Variants in PAN2 observed in about 807,000 individuals in gnomAD.
PAN2 encodes PAN2-PAN3 deadenylation complex catalytic subunit PAN2.
PAN2 carries 68 observed loss-of-function variants against 133.3 expected under a neutral mutation model. The ratio of observed to expected loss-of-function variants is 0.51; its 90% CI spans 0.42 to 0.62. The LOEUF is 0.62. Ranked by LOEUF, PAN2 falls within the 20% of genes least tolerant of loss-of-function variation. PAN2 has a pLI of 0.00. For synonymous variants in PAN2, 462 were observed against 544.6 expected, an observed-to-expected ratio of 0.85 and a Z score of 2.11; for missense variants, 1,042 against 1,500.5, an observed-to-expected ratio of 0.69 and a Z score of 5.05.
chr12:56,327,703 T>TG lies in PAN2; in HGVS notation c.652-73dup, dbSNP rs548425374. ...AATACCTGCCACCTACCTAACCCAG[T>TG]GGGGTCCCTACCAAAGGAACTAGGG... On this transcript the variant is annotated intron_variant, in intron 5 of 25. Coordinates refer to ENST00000440411, the MANE Select transcript of PAN2 (RefSeq NM_014871.6). The TG allele has an allele frequency of 5.8e-5, 89 of 1,529,740 alleles. 2 individuals are homozygous for TG. In the South Asian group the frequency reaches 9.8e-4, roughly 17 times the overall value. The allele number at this position is 1,529,740 out of a possible 1,614,324, so 94.8% of individuals were successfully genotyped here.
chr12:56,326,338 T>C lies in PAN2; in HGVS notation c.1334A>G (p.Asn445Ser), dbSNP rs1472460169. The stretch of plus-strand genomic sequence containing the variant: ...CTGATTGCGCAGCCTGGTGCGGGGA[T>C]TGGGCGCATAGCCAATGAAGCCCAC... The part of the protein sequence containing the change: ...KKVGFIGYAP[N>S]PRTRLRNQIP... Residue 445 changes from asparagine to serine, a missense_variant, in exon 8 of 26, where the codon AAT (asparagine) becomes AGT (serine). Coordinates refer to ENST00000440411, the MANE Select transcript of PAN2 (RefSeq NM_014871.6). The C allele has an allele frequency of 1.2e-6, 2 of 1,604,734 alleles. No individual in the cohort carries two copies. Among genetic ancestry groups the C allele is most frequent in the Non-Finnish European group, 1.7e-6 (2 of 1,173,398 alleles).
chr12:56,326,465 C>G, intron 7 of PAN2, 56 bp from the exon 8 acceptor site: 1 of 1,531,402 alleles, frequency 6.5e-7, no homozygotes, highest in Non-Finnish European at 8.8e-7. Flanking sequence ...CTGGTCCACT[C>G]CCCAATCCCC....
Position 56,319,870 on chromosome 12 carries a change from A to G in PAN2, c.2940T>C (p.Leu980=). The G allele has an allele frequency of 6.2e-7, 1 of 1,614,202 alleles. No individual in the cohort carries two copies. The highest frequency in any genetic ancestry group is 8.5e-7 in the Non-Finnish European group (1 of 1,180,020). Reference sequence around the variant, plus strand: ...TCCCTTTGGTCTTGGTTACCTCATTAAGGGTGACAAACTCAGCATCCAGAC... The same window carrying G: ...TCCCTTTGGTCTTGGTTACCTCATTGAGGGTGACAAACTCAGCATCCAGAC... ...LVGLDAEFVT[L]NEEEAELRSD... Residue 980 remains leucine (L), a synonymous_variant, in exon 21 of 26, where the codon CTT becomes CTC. Transcript: ENST00000440411. The surrounding 1 kb of genome is among the most constrained non-coding windows in gnomAD (Gnocchi z 5.4).
Position 56,326,691 on chromosome 12 carries a change from G to A in PAN2, c.1188C>T (p.Ser396=), listed in dbSNP as rs747519935. 4.3e-6 allele frequency: 7 copies of A among 1,614,084 alleles called. No individual in the cohort carries two copies. Among genetic ancestry groups the A allele is most frequent in the Non-Finnish European group, 4.2e-6 (5 of 1,179,986 alleles). The change falls in exon 7 of 26, where the codon TCC becomes TCT. Residue 396 remains serine (S), a synonymous_variant. Transcript: ENST00000440411. ...LDWSQDLLPL[S]LIPVPLTTDT... The stretch of plus-strand genomic sequence containing the variant: ...CAGTGGTGAGTGGGACAGGGATGAG[G>A]GAAAGAGGCAGCAGGTCCTGGCTCC...
At chr12:56,333,765 A>G (rs1876179740) in intron 1 of PAN2, 97 bp downstream of exon 1, 1 of 152,386 alleles carries the variant, frequency 6.6e-6, no homozygotes, top group African/African-American at 2.4e-5. Context: ...AACCAGAAAA[A>G]TCGGTTATCT....
intron 12 of PAN2, 30 bp from the exon 13 acceptor site, chr12:56,324,215 T>C (rs759931469): frequency 7.9e-5 from 128 of 1,612,288 alleles, no homozygotes; most frequent in Non-Finnish European, 9.0e-5. Context: ...TATATGCACA[T>C]TGAGGAAGTT....
Position 56,322,612 on chromosome 12 carries a change from C to A in PAN2, c.2637+3G>T. 1 of 1,614,132 alleles carries A rather than the reference C, an allele frequency of 6.2e-7. No homozygotes were observed. Among genetic ancestry groups the A allele is most frequent in the Non-Finnish European group, 8.5e-7 (1 of 1,179,982 alleles). ...TGTTCCTGCCCTCTACAACCTCACT[C>A]ACCTCCTTGCGCTGGTGGTAGGTCT... is the stretch of plus-strand genomic sequence containing the variant. On this transcript the variant is annotated splice_donor_region_variant and intron_variant, in intron 18 of 25. Coordinates refer to ENST00000440411, the MANE Select transcript of PAN2 (RefSeq NM_014871.6).
In PAN2 at chr12:56,324,433, G is replaced by C; in HGVS notation, c.1789C>G (p.Leu597Val). The part of the protein sequence containing the change: ...IPEASALGLI[L>V]ADSDEASGKG... ...CCTGAGGCCTCATCTGAGTCAGCCA[G>C]GATTAGACCGAGGGCTGAGGCCTCA... is the stretch of plus-strand genomic sequence containing the variant. The change falls in exon 12 of 26, where the codon CTG becomes GTG. Residue 597 changes from leucine (L) to valine (V), a missense_variant. Physicochemically the swap from Leu to Val is conservative, Grantham distance 32. Coordinates refer to ENST00000440411, the MANE Select transcript of PAN2 (RefSeq NM_014871.6). 1 of 1,614,172 alleles carries C rather than the reference G, an allele frequency of 6.2e-7. No homozygotes were observed. The highest frequency in any genetic ancestry group is 8.5e-7 in the Non-Finnish European group (1 of 1,180,032).
intron 17 of PAN2, 78 bp from the exon 18 acceptor site, chr12:56,322,836 GT>G: frequency 1.1e-6 from 1 of 948,112 alleles, no homozygotes; most frequent in Non-Finnish European, 1.5e-6. Flanking sequence ...AGGACAGGGA[GT>G]TGGGGGTATG....
At position 56,325,444 on chromosome 12, in the gene PAN2, C is replaced by A; in HGVS notation, c.1370G>T (p.Arg457Ile). 6.2e-7 allele frequency: 1 copy of A among 1,614,168 alleles called. No individual in the cohort carries two copies. The highest frequency in any genetic ancestry group is 8.5e-7 in the Non-Finnish European group (1 of 1,180,016). Reference protein sequence around the residue: ...RTRLRNQIPYRLKESDSEFDS... With the variant: ...RTRLRNQIPYILKESDSEFDS... ...AAATTCACTGTCTGACTCCTTGAGT[C>A]TGTAGGGTATCTAGGGATTTTAGGA... is the stretch of plus-strand genomic sequence containing the variant. Residue 457 changes from arginine (R) to isoleucine (I), a missense_variant, in exon 9 of 26, where the codon AGA (arginine) becomes ATA (isoleucine). Arg to Ile is a moderately conservative substitution (Grantham distance 97). Around this residue, in one of 3 missense-constraint regions of PAN2, gnomAD observed 908 missense variants for 1,223.5 expected, o/e 0.74. Transcript: ENST00000440411.
Position 56,319,550 on chromosome 12 carries a change from C to G in PAN2, c.3091-63G>C, listed in dbSNP as rs569897346. 1.3e-4 allele frequency: 199 copies of G among 1,590,030 alleles called. No individual in the cohort carries two copies. The African/African-American group carries it at 2.2e-3, about 18-fold the overall frequency. On this transcript the variant is annotated intron_variant, in intron 22 of 25. Coordinates refer to ENST00000440411, the MANE Select transcript of PAN2 (RefSeq NM_014871.6). This position sits in a 1 kb window ranked among gnomAD's most constrained non-coding sequence, Gnocchi z 5.4. ...TGAGATGGAGTCTTCCCCTATCACT[C>G]TTCCCTGGGTTCTTGAGCACTGTAA...
chr12:56,332,157 T>C (rs1254401166), intron 2 of PAN2, among the ~76,000 whole-genome samples: 3 of 152,206 alleles, frequency 2.0e-5, no homozygotes, highest in African/African-American at 7.2e-5. Context: ...ATGGAAGATA[T>C]GCAGAATCAT....
intron 9 of PAN2, 39 bp from the exon 10 acceptor site, chr12:56,325,167 CAG>C (rs1356205529): frequency 1.2e-6 from 2 of 1,605,480 alleles, no homozygotes; most frequent in Non-Finnish European, 8.5e-7. Context: ...AGGATATTCT[CAG>C]AGTCCCCAAA....
chr12:56,331,904 AG>A lies in PAN2; in HGVS notation c.282+908del, dbSNP rs539910890. Among the ~76,000 whole-genome samples the A allele has an allele frequency of 5.1e-3, 773 of 151,970 alleles. 9 individuals are homozygous for A. Among genetic ancestry groups the A allele is most frequent in the African/African-American group, 0.018 (734 of 41,444 alleles). ...AATTTTTTGCATTTTTAGTAGAGAC[AG>A]GGTTTCACCATGTTAGCCAGGATGG... On this transcript the variant is annotated intron_variant, in intron 2 of 25. Coordinates refer to ENST00000440411, the MANE Select transcript of PAN2 (RefSeq NM_014871.6).
intron 25 of PAN2, 49 bp from the exon 26 acceptor site, chr12:56,317,692 G>C (rs1162269578): frequency 1.3e-6 from 2 of 1,530,158 alleles, no homozygotes; most frequent in South Asian, 2.3e-5. Flanking sequence ...TGGAGAAAAA[G>C]CATCTTCTCA....
At position 56,322,773 on chromosome 12, in the gene PAN2, C is replaced by T. The variant is rs1874699062; in HGVS notation, c.2494-15G>A. On this transcript the variant is annotated splice_polypyrimidine_tract_variant and intron_variant, in intron 17 of 25. Coordinates refer to ENST00000440411, the MANE Select transcript of PAN2 (RefSeq NM_014871.6). ...GCTGGGCCCCACTGTGAGGGGGGTA[C>T]CCAGGCTGCTAAGCTAAGTTTAAGG... 6.2e-7 allele frequency: 1 copy of T among 1,607,906 alleles called. No homozygotes were observed. Among genetic ancestry groups the T allele is most frequent in the East Asian group, 2.2e-5 (1 of 44,848 alleles).
chr12:56,320,803 G>A (rs1241605363), intron 20 of PAN2, among the ~76,000 whole-genome samples: 2 of 128,372 alleles, frequency 1.6e-5, no homozygotes, highest in Non-Finnish European at 3.1e-5. Flanking sequence ...TGTGGCTCAC[G>A]CCTGTAAACC....
intron 20 of PAN2, among the ~76,000 whole-genome samples, chr12:56,320,728 C>G (rs1874401591): frequency 6.7e-6 from 1 of 150,282 alleles, no homozygotes; most frequent in African/African-American, 2.5e-5. Flanking sequence ...CCACTCCACT[C>G]TCAAGACTTA....
intron 2 of PAN2, among the ~76,000 whole-genome samples, chr12:56,331,186 C>A (rs950398573): frequency 6.6e-6 from 1 of 152,164 alleles, no homozygotes; most frequent in African/African-American, 2.4e-5. Flanking sequence ...GACCTTAGGG[C>A]AAGGTCTGAC....
Sources: gnomAD v4.1 joint callset for allele counts (sites outside exome capture counted in the v4.1 genomes callset) on GRCh38, gnomAD v4.1.1 for gene constraint, gnomAD v4.1.1 regional missense constraint, Gnocchi (gnomAD v3.1) non-coding constraint, MANE v1.5 for transcripts, NCBI Gene and HGNC (gene_info 2026-07-23, HGNC 2026-07-21) for gene names.